The following TMEM71 variants were observed in gnomAD, a reference collection of about 807,000 sequenced individuals.
TMEM71 encodes transmembrane protein 71.
In TMEM71, 44 loss-of-function variants were observed where a neutral mutation model predicts 38.0. The observed-to-expected ratio is 1.16, with a 90% CI of 0.91 to 1.49. The LOEUF is 1.49. Among genes scored for constraint, TMEM71 ranks in the 40% most tolerant of loss-of-function variants. TMEM71 has a pLI of 0.00. For synonymous variants in TMEM71, 133 were observed against 122.5 expected (o/e 1.09, Z -0.56); for missense variants, 367 against 348.6 (o/e 1.05, Z -0.42).
chr8:132,731,876 T>C (rs1827475566), intron 5 of TMEM71, among the ~76,000 whole-genome samples: 3 of 152,010 alleles, frequency 2.0e-5, no homozygotes, highest in Admixed American at 2.0e-4. Context: ...GAACATAAAA[T>C]GACTAAGGAA....
At position 132,727,886 on chromosome 8, in the gene TMEM71, C is replaced by T; in HGVS notation, c.588G>A (p.Gln196=). The T allele has an allele frequency of 6.2e-7, 1 of 1,614,114 alleles. No individual in the cohort carries two copies. The highest frequency in any genetic ancestry group is 1.1e-5 in the South Asian group (1 of 91,088). ...AGCTATGGGAGTTTCCTCCAGGAGG[C>T]TGAGATATGATGTGGCTGGAAGAGG... The part of the protein sequence containing the change: ...ITSSSSHIIS[Q]PPGGNSHSLS... The change falls in exon 6 of 10, where the codon CAG becomes CAA. Residue 196 remains glutamine, a synonymous_variant. Transcript: ENST00000677595.
At chr8:132,741,356 G>A (rs1318416283) in intron 5 of TMEM71, among the ~76,000 whole-genome samples, 2 of 152,148 alleles carry the variant, frequency 1.3e-5, no homozygotes, top group African/African-American at 2.4e-5. Flanking sequence ...CATGTGTGGC[G>A]ACGAGAGAGT....
chr8:132,712,536 C>T (rs968712632), intron 9 of TMEM71, among the ~76,000 whole-genome samples: 10 of 152,068 alleles, frequency 6.6e-5, no homozygotes, highest in Non-Finnish European at 1.3e-4. Flanking sequence ...CCTGTACTAA[C>T]CTGATATTTG....
intron 7 of TMEM71, among the ~76,000 whole-genome samples, chr8:132,720,808 G>T (rs189841701): frequency 6.6e-6 from 1 of 152,272 alleles, no homozygotes; most frequent in African/African-American, 2.4e-5. Flanking sequence ...AAGACCCCTG[G>T]ACTGTTGTAT....
the TMEM71 span, among the ~76,000 whole-genome samples, chr8:132,768,509 T>A: frequency 1.3e-5 from 2 of 152,076 alleles, no homozygotes; most frequent in Admixed American, 6.6e-5. Flanking sequence ...TATATGTATA[T>A]CCCTACTGTT....
the TMEM71 span, among the ~76,000 whole-genome samples, chr8:132,772,498 G>A: frequency 6.6e-6 from 1 of 152,124 alleles, no homozygotes; most frequent in African/African-American, 2.4e-5. Flanking sequence ...TGTATATCCT[G>A]TATCCCTACT....
chr8:132,761,468 C>A (rs1829294243), upstream of TMEM71, among the ~76,000 whole-genome samples: 2 of 152,234 alleles, frequency 1.3e-5, no homozygotes, highest in Admixed American at 1.3e-4. Context: ...AAATCAAGTT[C>A]TCTTCTGAGG....
chr8:132,756,722 G>A lies in TMEM71; in HGVS notation c.101+512C>T, dbSNP rs540610051. Among the ~76,000 whole-genome samples the A allele has an allele frequency of 2.4e-4, 36 of 151,836 alleles. No individual in the cohort carries two copies. The South Asian group carries it at 7.3e-3, about 31-fold the overall frequency. ...CCACCTCAGCCTCCCGAGTAGCTGAGATTACAGGCACATACCATCATGCCC... is the reference window on the plus strand; with the variant it reads ...CCACCTCAGCCTCCCGAGTAGCTGAAATTACAGGCACATACCATCATGCCC... On this transcript the variant is annotated intron_variant, in intron 3 of 9. Transcript: ENST00000677595.
At chr8:132,715,400 A>G (rs1171694232) in intron 7 of TMEM71, among the ~76,000 whole-genome samples, 1 of 124,286 alleles carries the variant, frequency 8.0e-6, no homozygotes, top group Admixed American at 9.0e-5. Context: ...ACAGAGCAAG[A>G]CTCCGTCTCA....
intron 5 of TMEM71, among the ~76,000 whole-genome samples, chr8:132,732,979 A>T (rs1827544493): frequency 6.6e-6 from 1 of 152,194 alleles, no homozygotes; most frequent in Non-Finnish European, 1.5e-5. Flanking sequence ...CAACTGGATC[A>T]TTAGAGTCCT....
Position 132,728,013 on chromosome 8 carries a change from AGTGTGTGTGT to A in TMEM71, c.488-37_488-28del, listed in dbSNP as rs59776482. 7.7e-3 allele frequency: 8,265 copies of A among 1,076,602 alleles called. 18 individuals are homozygous for A. The East Asian group carries it at 0.083, about 11-fold the overall frequency. The allele number at this position is 1,076,602 out of a possible 1,614,324, so 66.7% of individuals were successfully genotyped here. The stretch of plus-strand genomic sequence containing the variant: ...TGAAAAAGCAGAGGGGTTCAGTGTG[AGTGTGTGTGT>A]GTGTGTGTGTGTGTGTGTGTGTGTG... On this transcript the variant is annotated intron_variant, in intron 5 of 9. Transcript: ENST00000677595.
Position 132,757,306 on chromosome 8 carries a change from AAT to A in TMEM71, c.41-14_41-13del. On this transcript the variant is annotated splice_polypyrimidine_tract_variant and intron_variant, in intron 2 of 9. Coordinates refer to ENST00000677595, the MANE Select transcript of TMEM71 (RefSeq NM_001382403.1). ...CAACCTGGAAGAACCTGCATAAACA[AAT>A]GAGAGAGAAGTAGAATGTATCATAC... 1 of 1,574,332 alleles carries A rather than the reference AAT, an allele frequency of 6.4e-7. No homozygotes were observed. The highest frequency in any genetic ancestry group is 8.7e-7 in the Non-Finnish European group (1 of 1,153,834).
At chr8:132,708,155 G>C (rs4736602), downstream of TMEM71, among the ~76,000 whole-genome samples, 220 of 152,208 alleles carry the variant, frequency 1.4e-3, 1 homozygote, top group Middle Eastern at 0.01. Context: ...AATATTGCCC[G>C]CTGCTAGACT....
intron 5 of TMEM71, among the ~76,000 whole-genome samples, chr8:132,736,848 C>T (rs1827777366): frequency 6.6e-6 from 1 of 151,292 alleles, no homozygotes; most frequent in African/African-American, 2.4e-5. Context: ...AAAAAAATTG[C>T]TGAGAGAGCA....
In TMEM71 at chr8:132,743,048, C is replaced by G. The variant is rs1834435; in HGVS notation, c.487+3894G>C. On this transcript the variant is annotated intron_variant, in intron 5 of 9. Transcript: ENST00000677595. ...AAAACAGCACAGGAAAGACCTGCCCCCATGATTCAATTACCTCCCACCAGG... is the reference window on the plus strand; with the variant it reads ...AAAACAGCACAGGAAAGACCTGCCCGCATGATTCAATTACCTCCCACCAGG... Among the ~76,000 whole-genome samples, 334 of 152,224 alleles carry G rather than the reference C, an allele frequency of 2.2e-3. 4 individuals are homozygous for G. Among genetic ancestry groups the G allele is most frequent in the African/African-American group, 7.7e-3 (320 of 41,512 alleles).
chr8:132,763,411 G>A (rs1182681936), upstream of TMEM71, among the ~76,000 whole-genome samples: 1 of 152,144 alleles, frequency 6.6e-6, no homozygotes, highest in Non-Finnish European at 1.5e-5. Flanking sequence ...ATTACATCCA[G>A]GTAGACTTGC....
At chr8:132,763,508 G>C (rs1159359663), upstream of TMEM71, among the ~76,000 whole-genome samples, 3 of 152,180 alleles carry the variant, frequency 2.0e-5, no homozygotes, top group Non-Finnish European at 4.4e-5. Flanking sequence ...GTTAATGGAG[G>C]TGATGCGTGT....
chr8:132,764,720 C>A (rs907314109), upstream of TMEM71, among the ~76,000 whole-genome samples: 8 of 152,168 alleles, frequency 5.3e-5, no homozygotes, highest in Admixed American at 2.6e-4. Flanking sequence ...CCCTCCCAGA[C>A]CAGGTTATGG....
chr8:132,757,363 G>A (rs1472516305), intron 2 of TMEM71, 69 bp from the exon 3 acceptor site: 4 of 1,138,476 alleles, frequency 3.5e-6, no homozygotes, highest in Non-Finnish European at 2.6e-6. Flanking sequence ...GTTGATACAT[G>A]TATCAATATG....
Sources: allele counts gnomAD v4.1 joint callset (sites outside exome capture counted in the v4.1 genomes callset), GRCh38; gene constraint gnomAD v4.1.1; transcripts MANE v1.5; gene names NCBI Gene and HGNC (gene_info 2026-07-23, HGNC 2026-07-21).